WBP2NL: variants seen among roughly 807,000 people sequenced by gnomAD.
WBP2NL encodes postacrosomal sheath WW domain-binding protein.
Under a neutral mutation model 23.3 loss-of-function variants are expected in WBP2NL, and 27 were observed. The ratio of observed to expected loss-of-function variants is 1.16; its 90% CI spans 0.85 to 1.60. The LOEUF (loss-of-function observed/expected upper bound fraction) is 1.60. WBP2NL is among the 40% of genes most tolerant of loss of function. WBP2NL has a pLI of 0.00. For missense variants in WBP2NL, 370 were observed against 389.5 expected, an observed-to-expected ratio of 0.95 and a Z score of 0.42; for synonymous variants, 151 against 145.9, an observed-to-expected ratio of 1.03 and a Z score of -0.25.
At chr22:42,054,186 A>T (rs542660368) in intron 8 of WBP2NL, among the ~76,000 whole-genome samples, 5 of 150,898 alleles carry the variant, frequency 3.3e-5, no homozygotes, top group African/African-American at 1.2e-4. Flanking sequence ...CTTCTGATTT[A>T]AAAAAAAAAT....
At chr22:42,026,537 A>T (rs1924510893) in intron 5 of WBP2NL, among the ~76,000 whole-genome samples, 2 of 152,122 alleles carry the variant, frequency 1.3e-5, no homozygotes, top group Admixed American at 1.3e-4. Flanking sequence ...AGTATAAGTA[A>T]CGCACCGATC....
In WBP2NL at chr22:42,000,865, G is replaced by T. The variant is rs546305131; in HGVS notation, c.62+1985G>T. Among the ~76,000 whole-genome samples the T allele has an allele frequency of 2.6e-5, 4 of 152,172 alleles. No individual in the cohort carries two copies. The East Asian group carries it at 7.7e-4, about 29-fold the overall frequency. On this transcript the variant is annotated intron_variant, in intron 1 of 5. Coordinates refer to ENST00000328823, the MANE Select transcript of WBP2NL (RefSeq NM_152613.3). ...CAGGAGAATTGCTTGAACCCAAAAG[G>T]TGAATCACCCAAAAGGTGAACCAAA...
intron 1 of WBP2NL, among the ~76,000 whole-genome samples, chr22:42,005,649 A>T (rs1922160750): frequency 6.6e-6 from 1 of 152,226 alleles, no homozygotes; most frequent in Non-Finnish European, 1.5e-5. Context: ...AATAACCAAT[A>T]CAGTACACAT....
chr22:42,020,868 G>GTGTA (rs1556297174), intron 4 of WBP2NL, among the ~76,000 whole-genome samples: 8 of 15,234 alleles, frequency 5.3e-4, no homozygotes, highest in Non-Finnish European at 6.1e-4. Flanking sequence ...GTGTGTGTGT[G>GTGTA]TATATATATA....
intron 1 of WBP2NL, among the ~76,000 whole-genome samples, chr22:42,013,263 A>G (rs1922992207): frequency 1.4e-5 from 2 of 148,002 alleles, no homozygotes. Flanking sequence ...TCCCAGCTAT[A>G]TAATCCAAGC....
chr22:42,047,283 A>G (rs1318528175), intron 8 of WBP2NL, among the ~76,000 whole-genome samples: 2 of 151,494 alleles, frequency 1.3e-5, no homozygotes, highest in African/African-American at 2.4e-5. Context: ...AAAAAAAAAA[A>G]AAAAAAAGAA....
At chr22:42,001,958 C>G in intron 1 of WBP2NL, 3 of 1,347,974 alleles carry the variant, frequency 2.2e-6, no homozygotes, top group Non-Finnish European at 3.0e-6. Context: ...ACACAGCAGC[C>G]TCTGTGATGT....
At chr22:42,029,783 C>T (rs775495630), downstream of WBP2NL, among the ~76,000 whole-genome samples, 4 of 152,238 alleles carry the variant, frequency 2.6e-5, no homozygotes, top group Non-Finnish European at 5.9e-5. Flanking sequence ...TTAGTGACCA[C>T]ATAATATTCT....
At chr22:42,021,699 G>C (rs1923990866) in intron 4 of WBP2NL, among the ~76,000 whole-genome samples, 1 of 152,010 alleles carries the variant, frequency 6.6e-6, no homozygotes, top group Admixed American at 6.5e-5. Flanking sequence ...GCTATGCTAG[G>C]CCTGGAATAA....
chr22:42,047,825 G>T (rs1245979786), intron 8 of WBP2NL, among the ~76,000 whole-genome samples: 1 of 151,324 alleles, frequency 6.6e-6, no homozygotes, highest in African/African-American at 2.4e-5. Context: ...GTTTCACCGT[G>T]TTAGCCAGGA....
intron 8 of WBP2NL, among the ~76,000 whole-genome samples, chr22:42,052,824 G>T (rs9620014): frequency 3.0e-3 from 461 of 152,178 alleles, no homozygotes; most frequent in African/African-American, 0.01. Context: ...CTCTCACCTG[G>T]ATCCTTGAAC....
downstream of WBP2NL, chr22:42,030,492 GA>G (rs1167398739): frequency 4.8e-4 from 73 of 152,312 alleles, no homozygotes; most frequent in African/African-American, 1.8e-3. Flanking sequence ...TAGGAAGCTG[GA>G]ATGTCAAAAC....
chr22:42,039,865 G>A (rs1004382815), intron 8 of WBP2NL, among the ~76,000 whole-genome samples: 10 of 148,686 alleles, frequency 6.7e-5, no homozygotes, highest in Non-Finnish European at 1.2e-4. Context: ...ACTTTGGGTC[G>A]AGTTTGTTCC....
At chr22:42,015,604 T>C (rs1923236102) in intron 1 of WBP2NL, among the ~76,000 whole-genome samples, 1 of 152,140 alleles carries the variant, frequency 6.6e-6, no homozygotes, top group South Asian at 2.1e-4. Flanking sequence ...GATTTTGCCA[T>C]GTTGGCCAGG....
chr22:42,057,484 A>G (rs1481571672), intron 8 of WBP2NL, among the ~76,000 whole-genome samples: 1 of 151,442 alleles, frequency 6.6e-6, no homozygotes, highest in Non-Finnish European at 1.5e-5. Flanking sequence ...CATGTTTAAA[A>G]TAGCTGATTT....
intron 8 of WBP2NL, among the ~76,000 whole-genome samples, chr22:42,043,640 A>G (rs577973051): frequency 2.0e-5 from 3 of 152,338 alleles, no homozygotes; most frequent in Admixed American, 6.5e-5. Flanking sequence ...AGCTGCATGC[A>G]TGTGCACAAC....
chr22:42,004,634 G>A (rs771707890), intron 1 of WBP2NL, among the ~76,000 whole-genome samples: 3 of 152,024 alleles, frequency 2.0e-5, no homozygotes, highest in Non-Finnish European at 2.9e-5. Context: ...TGTTAAAGAC[G>A]AAGCCTGGGC....
chr22:42,047,562 G>A (rs1925642127), intron 8 of WBP2NL, among the ~76,000 whole-genome samples: 1 of 150,350 alleles, frequency 6.7e-6, no homozygotes. Context: ...TGCACAGAGC[G>A]AGTCTCATCT....
rs1017395618 is a variant in WBP2NL, at chr22:42,026,850, C to T, written c.599C>T (p.Pro200Leu). The change falls in exon 6 of 6, where the codon CCC becomes CTC. Residue 200 changes from proline (P) to leucine (L), a missense_variant. Physicochemically the swap from Pro to Leu is moderately conservative, Grantham distance 98 (BLOSUM62 -3). Coordinates refer to ENST00000328823, the MANE Select transcript of WBP2NL (RefSeq NM_152613.3). ...GAPPAGYGAQ[P>L]VGNEGPPVGY... ...CCACCTGCAGGATATGGAGCCCAAC[C>T]CGTAGGAAATGAAGGCCCGCCTGTG... The T allele has an allele frequency of 6.2e-7, 1 of 1,613,186 alleles. No individual in the cohort carries two copies. The highest frequency in any genetic ancestry group is 8.5e-7 in the Non-Finnish European group (1 of 1,179,734).
Sources: gnomAD v4.1 joint callset for allele counts (sites outside exome capture counted in the v4.1 genomes callset) on GRCh38, gnomAD v4.1.1 for gene constraint, MANE v1.5 for transcripts, NCBI Gene and HGNC (gene_info 2026-07-23, HGNC 2026-07-21) for gene names.